Variants in ABCD2 observed in about 807,000 individuals in gnomAD.
The protein encoded by ABCD2 is ATP-binding cassette sub-family D member 2.
In ABCD2, 36 loss-of-function variants were observed where a neutral mutation model predicts 70.9. The ratio of observed to expected loss-of-function variants is 0.51; its 90% confidence interval spans 0.39 to 0.67. ABCD2 has a LOEUF of 0.67. ABCD2 is among the 30% of genes least tolerant of loss of function. The probability of loss-of-function intolerance (pLI) is 0.00; values close to 1 mark genes in which losing one functional copy is unlikely to be tolerated. For missense variants in ABCD2, 729 were observed against 890.2 expected (o/e 0.82, Z 2.30); for synonymous variants, 304 against 306.9 (o/e 0.99, Z 0.10).
intron 2 of ABCD2, among the ~76,000 whole-genome samples, chr12:39,616,057 C>G (rs1302296903): frequency 6.6e-6 from 1 of 152,038 alleles, no homozygotes; most frequent in Non-Finnish European, 1.5e-5. Context: ...AGAGTTTAAT[C>G]AACTCTAATT....
intron 9 of ABCD2, among the ~76,000 whole-genome samples, chr12:39,559,511 ACTAT>A (rs1193401866): frequency 6.6e-6 from 1 of 152,090 alleles, no homozygotes; most frequent in Non-Finnish European, 1.5e-5. Flanking sequence ...GAGACATATA[ACTAT>A]CTAGGTACAG....
At chr12:39,600,806 CGAAAACATGATAACCTAGG>C in intron 5 of ABCD2, 90 bp from the exon 6 acceptor site, 1 of 1,211,372 alleles carries the variant, frequency 8.3e-7, no homozygotes, top group Admixed American at 2.7e-5. Flanking sequence ...TTAAAATGTT[CGAAAACATGATAACCTAGG>C]TTGGGCAAAA....
intron 6 of ABCD2, among the ~76,000 whole-genome samples, chr12:39,588,842 A>G (rs1011926177): frequency 2.0e-5 from 3 of 152,196 alleles, no homozygotes; most frequent in African/African-American, 7.2e-5. Flanking sequence ...TCTTTCGAAT[A>G]AAAGAAACTA....
At chr12:39,604,132 A>C in intron 4 of ABCD2, 126 bp from the exon 5 acceptor site, 1 of 675,060 alleles carries the variant, frequency 1.5e-6, no homozygotes, top group Non-Finnish European at 2.4e-6. Flanking sequence ...AAATCACAGA[A>C]ACAAATGTAA....
chr12:39,573,041 A>C (rs1414100686), intron 9 of ABCD2, among the ~76,000 whole-genome samples: 2 of 152,130 alleles, frequency 1.3e-5, no homozygotes, highest in African/African-American at 4.8e-5. Flanking sequence ...CAGTTTCTTC[A>C]TCTGTAAAAT....
intron 8 of ABCD2, among the ~76,000 whole-genome samples, chr12:39,574,052 C>T (rs7308295): frequency 0.12 from 17,781 of 151,994 alleles, 1,136 homozygotes; most frequent in South Asian, 0.32. Flanking sequence ...GATTTTCTGA[C>T]GCTTTCTAAT....
chr12:39,534,752 GAAAGAAAGAGAAAGAA>G, the ABCD2 span, among the ~76,000 whole-genome samples: 1 of 71,722 alleles, frequency 1.4e-5, no homozygotes, highest in Non-Finnish European at 2.7e-5. Flanking sequence ...AGGAAGGAAA[GAAAGAAAGAGAAAGAA>G]AGAAAGAAAG....
At chr12:39,614,393 C>T (rs1942087453) in intron 2 of ABCD2, among the ~76,000 whole-genome samples, 1 of 152,114 alleles carries the variant, frequency 6.6e-6, no homozygotes, top group Non-Finnish European at 1.5e-5. Flanking sequence ...AACTGATGTA[C>T]ATAAAGTGTA....
intron 6 of ABCD2, among the ~76,000 whole-genome samples, chr12:39,586,681 C>A (rs936412484): frequency 1.3e-5 from 2 of 152,136 alleles, no homozygotes; most frequent in African/African-American, 4.8e-5. Flanking sequence ...CAGTTGTGAG[C>A]CATAGAACCC....
At chr12:39,578,042 T>G (rs1036149234) in intron 8 of ABCD2, among the ~76,000 whole-genome samples, 1 of 152,232 alleles carries the variant, frequency 6.6e-6, no homozygotes, top group South Asian at 2.1e-4. Context: ...TAATACATAC[T>G]TGACATAATT....
the ABCD2 span, among the ~76,000 whole-genome samples, chr12:39,534,802 G>GAAAGAA: frequency 9.2e-6 from 1 of 108,804 alleles, no homozygotes; most frequent in Non-Finnish European, 2.0e-5. Flanking sequence ...AAGAAAGAAA[G>GAAAGAA]AAAGAAAAGA....
chr12:39,558,481 T>C (rs1386180759), intron 9 of ABCD2, among the ~76,000 whole-genome samples: 1 of 152,210 alleles, frequency 6.6e-6, no homozygotes, highest in Non-Finnish European at 1.5e-5. Flanking sequence ...TTGAATTGTA[T>C]TCCCCAAAAT....
At chr12:39,589,612 C>T (rs1941716842) in intron 6 of ABCD2, among the ~76,000 whole-genome samples, 1 of 152,120 alleles carries the variant, frequency 6.6e-6, no homozygotes, top group South Asian at 2.1e-4. Flanking sequence ...TGGTCTTGAT[C>T]TCCTGACCTC....
At chr12:39,562,540 A>T (rs1460519255) in intron 9 of ABCD2, among the ~76,000 whole-genome samples, 2 of 152,150 alleles carry the variant, frequency 1.3e-5, no homozygotes. Flanking sequence ...AAGAATGATG[A>T]GACTGTTGTA....
At chr12:39,567,637 G>A (rs1006856079) in intron 9 of ABCD2, among the ~76,000 whole-genome samples, 1 of 83,966 alleles carries the variant, frequency 1.2e-5, no homozygotes, top group Non-Finnish European at 2.1e-5. Context: ...TACATTTAAG[G>A]TTAATATTGT....
rs748629476 is a variant in ABCD2, at chr12:39,619,006, C to T, written c.610G>A (p.Ala204Thr). The T allele has an allele frequency of 6.2e-7, 1 of 1,614,178 alleles. No individual in the cohort carries two copies. Among genetic ancestry groups the T allele is most frequent in the Non-Finnish European group, 8.5e-7 (1 of 1,180,032 alleles). The change falls in exon 1 of 10, where the codon GCA (alanine) becomes ACA (threonine). Residue 204 changes from alanine to threonine, a missense_variant. By Grantham distance (58) the Ala-to-Thr change is moderately conservative. This residue lies in a region of ABCD2 where 245 missense variants were observed against 261.2 expected (regional missense o/e 0.94). Coordinates refer to ENST00000308666, the MANE Select transcript of ABCD2 (RefSeq NM_005164.4). ...YKVINMDGRL[A>T]NPDQSLTEDI... ...TCCGTAAGAGATTGGTCAGGGTTTG[C>T]CAGCCTCCCATCCATATTGATCACT...
chr12:39,596,905 C>T (rs1033901839), intron 6 of ABCD2, among the ~76,000 whole-genome samples: 3 of 152,226 alleles, frequency 2.0e-5, no homozygotes, highest in South Asian at 2.1e-4. Context: ...ACACATCCCC[C>T]TATATACTTT....
At chr12:39,578,408 A>G (rs1187238759) in intron 8 of ABCD2, among the ~76,000 whole-genome samples, 3 of 147,770 alleles carry the variant, frequency 2.0e-5, no homozygotes, top group Admixed American at 1.4e-4. Context: ...CGGGAGGCGG[A>G]GCTTGCAGTG....
intron 9 of ABCD2, among the ~76,000 whole-genome samples, chr12:39,568,492 A>G (rs1941393977): frequency 6.6e-6 from 1 of 151,544 alleles, no homozygotes; most frequent in Non-Finnish European, 1.5e-5. Context: ...TCCTTTAAGG[A>G]CTTCTCTGCA....
Sources: allele counts gnomAD v4.1 joint callset (sites outside exome capture counted in the v4.1 genomes callset), GRCh38; gene constraint gnomAD v4.1.1; regional missense constraint gnomAD v4.1.1; transcripts MANE v1.5; gene names NCBI Gene and HGNC (gene_info 2026-07-23, HGNC 2026-07-21).